NLRC5: variants seen among roughly 807,000 people sequenced by gnomAD.
NLRC5 encodes the protein protein NLRC5.
Under a neutral mutation model 206.9 loss-of-function variants are expected in NLRC5, and 114 were observed. The ratio of observed to expected loss-of-function variants is 0.55; its 90% CI spans 0.47 to 0.64. NLRC5 has a LOEUF of 0.64. Ranked by LOEUF, NLRC5 falls within the 30% of genes least tolerant of loss-of-function variation. NLRC5 has a pLI of 0.00. For missense variants in NLRC5, 2,008 were observed against 2,305.5 expected (o/e 0.87, Z 2.64); for synonymous variants, 952 against 962.8 (o/e 0.99, Z 0.21).
At chr16:57,061,816 C>A (rs2066530966) in intron 32 of NLRC5, 115 bp downstream of exon 32, 1 of 1,538,308 alleles carries the variant, frequency 6.5e-7, no homozygotes. Context: ...GTACCCACAA[C>A]CCTGCCATCT....
chr16:57,020,834 T>C lies in NLRC5; in HGVS notation c.122T>C (p.Leu41Pro). ...AAGTTCTTCCTCCCCAACACGGACC[T>C]GGATTCCAGGAACGAGACCTTGGAC... The part of the protein sequence containing the change: ...KMKFFLPNTD[L>P]DSRNETLDPE... Residue 41 changes from leucine to proline, a missense_variant, in exon 3 of 49, where the codon CTG becomes CCG. Physicochemically the swap from Leu to Pro is moderately conservative, Grantham distance 98. Coordinates refer to ENST00000688547, the MANE Select transcript of NLRC5 (RefSeq NM_001384950.1). 1 of 1,613,644 alleles carries C rather than the reference T, an allele frequency of 6.2e-7. No homozygotes were observed. The highest frequency in any genetic ancestry group is 8.5e-7 in the Non-Finnish European group (1 of 1,179,920).
At position 57,043,609 on chromosome 16, in the gene NLRC5, G is replaced by T; in HGVS notation, c.3203+5G>T. Reference sequence around the variant, plus strand: ...GCTCTTCCGCTTGGACATCAGGTGAGCGTGCCTCTCCGCCCCCAGCCCTGC... The same window carrying T: ...GCTCTTCCGCTTGGACATCAGGTGATCGTGCCTCTCCGCCCCCAGCCCTGC... On this transcript the variant is annotated splice_donor_5th_base_variant and intron_variant, in intron 20 of 48. Coordinates refer to ENST00000688547, the MANE Select transcript of NLRC5 (RefSeq NM_001384950.1). The T allele has an allele frequency of 6.2e-7, 1 of 1,612,640 alleles. No individual in the cohort carries two copies. Among genetic ancestry groups the T allele is most frequent in the South Asian group, 1.1e-5 (1 of 91,058 alleles).
At chr16:57,047,844 C>G (rs2064211208) in intron 23 of NLRC5, 1 of 591,656 alleles carries the variant, frequency 1.7e-6, no homozygotes, top group Admixed American at 2.9e-5. Context: ...AGATGCTGTG[C>G]TGGACTGGGG....
At chr16:57,010,652 C>T (rs1252409862) in intron 1 of NLRC5, among the ~76,000 whole-genome samples, 3 of 152,206 alleles carry the variant, frequency 2.0e-5, no homozygotes, top group African/African-American at 7.2e-5. Context: ...GGATTACAGG[C>T]GTGAGCCACT....
At chr16:57,036,545 G>A (rs1357394482) in intron 14 of NLRC5, among the ~76,000 whole-genome samples, 1 of 152,110 alleles carries the variant, frequency 6.6e-6, no homozygotes, top group African/African-American at 2.4e-5. Context: ...TGCTAGGGTA[G>A]GGAGTGGTGT....
chr16:57,067,687 G>C (rs772606141), intron 35 of NLRC5, 49 bp from the exon 36 acceptor site: 48 of 1,563,516 alleles, frequency 3.1e-5, no homozygotes, highest in Non-Finnish European at 4.1e-5. Flanking sequence ...GATGACCTCT[G>C]AGGTGTGTCC....
chr16:57,037,422 C>T lies in NLRC5; in HGVS notation c.2801+138C>T, dbSNP rs1403561354. The T allele has an allele frequency of 6.6e-6, 5 of 755,142 alleles. No homozygotes were observed. In the East Asian group the frequency reaches 1.1e-4, roughly 16 times the overall value. The allele number at this position is 755,142 out of a possible 1,614,324, so 46.8% of individuals were successfully genotyped here. On this transcript the variant is annotated intron_variant, in intron 15 of 48. Transcript: ENST00000688547. ...TGTCCCACCCAGACCCCGTTACAGC[C>T]GGCACCCCTCTTCCTAGCTGCTGTG...
At chr16:57,077,472 T>A in intron 41 of NLRC5, 93 bp downstream of exon 41, 2 of 1,241,124 alleles carry the variant, frequency 1.6e-6, no homozygotes. Context: ...TGGTAAAATC[T>A]CCCCTGCGCC....
At chr16:57,081,305 C>T in intron 47 of NLRC5, 124 bp downstream of exon 47, 6 of 1,048,626 alleles carry the variant, frequency 5.7e-6, no homozygotes, top group Non-Finnish European at 8.3e-6. Context: ...CACACTCTGG[C>T]CTGTTCCAAG....
intron 2 of NLRC5, 30 bp downstream of exon 2, chr16:57,017,218 C>T (rs1420351928): frequency 6.5e-6 from 1 of 152,712 alleles, no homozygotes; most frequent in African/African-American, 2.4e-5. Context: ...CCTTCACCTC[C>T]TCTTTTCCCC....
intron 8 of NLRC5, 121 bp from the exon 9 acceptor site, chr16:57,029,652 C>A: frequency 1.3e-6 from 1 of 769,986 alleles, no homozygotes; most frequent in South Asian, 1.6e-5. Flanking sequence ...AGGCCATCAG[C>A]TCTTTCTGGG....
chr16:57,027,131 A>G lies in NLRC5; in HGVS notation c.2075+113A>G, dbSNP rs199475976. On this transcript the variant is annotated intron_variant, in intron 6 of 48. Coordinates refer to ENST00000688547, the MANE Select transcript of NLRC5 (RefSeq NM_001384950.1). ...ACTGGATAAGAATCTTGAATATCAG[A>G]ACATAATGGCCTGCAATGCAAGAGA... 1 of 1,274,596 alleles carries G rather than the reference A, an allele frequency of 7.8e-7. No individual in the cohort carries two copies. The highest frequency in any genetic ancestry group is 2.4e-5 in the East Asian group (1 of 42,110). The allele number at this position is 1,274,596 out of a possible 1,614,324, so 79.0% of individuals were successfully genotyped here. A position where few individuals can be genotyped will look rare whatever the true frequency, so the allele number is the denominator to read the frequency against.
At chr16:56,991,155 T>G (rs541266185) in intron 1 of NLRC5, 1 of 152,272 alleles carries the variant, frequency 6.6e-6, no homozygotes, top group South Asian at 2.1e-4. Flanking sequence ...CTTAAAATGC[T>G]GCACAAGTGT....
chr16:57,024,765 T>G (rs1331315036), intron 5 of NLRC5, among the ~76,000 whole-genome samples: 2 of 152,186 alleles, frequency 1.3e-5, no homozygotes, highest in Non-Finnish European at 2.9e-5. Context: ...ATCCCAGCAC[T>G]TTGGAGGGCT....
intron 26 of NLRC5, 124 bp downstream of exon 26, chr16:57,055,218 C>T: frequency 9.3e-7 from 1 of 1,080,902 alleles, no homozygotes; most frequent in Non-Finnish European, 1.4e-6. Flanking sequence ...AACAACCCTG[C>T]AGAGGGACTT....
At position 57,022,048 on chromosome 16, in the gene NLRC5, AC is replaced by A. The variant is rs548229774; in HGVS notation, c.296-207del. On this transcript the variant is annotated intron_variant, in intron 3 of 48. Transcript: ENST00000688547. ...CACACACATACATAAACTTGCATGCACTTGCATATACACACATTTCTGCCCA... is the reference window on the plus strand; with the variant it reads ...CACACACATACATAAACTTGCATGCATTGCATATACACACATTTCTGCCCA... Among the ~76,000 whole-genome samples the A allele has an allele frequency of 1.5e-3, 230 of 152,362 alleles. 1 individual carries two copies. Among genetic ancestry groups the A allele is most frequent in the African/African-American group, 5.4e-3 (224 of 41,590 alleles).
intron 4 of NLRC5, among the ~76,000 whole-genome samples, chr16:57,022,796 G>A (rs188263757): frequency 8.5e-5 from 13 of 152,344 alleles, no homozygotes; most frequent in East Asian, 3.9e-4. Context: ...CTACTGATTC[G>A]TGGGTCACAC....
intron 26 of NLRC5, 43 bp from the exon 27 acceptor site, chr16:57,055,390 C>T: frequency 6.3e-7 from 1 of 1,586,638 alleles, no homozygotes; most frequent in South Asian, 1.1e-5. Context: ...GTCTCAGTGG[C>T]CAAACGCCCC....
chr16:57,039,687 A>G (rs2063040462), intron 15 of NLRC5, 94 bp from the exon 16 acceptor site: 2 of 1,145,466 alleles, frequency 1.7e-6, no homozygotes, highest in Non-Finnish European at 2.6e-6. Flanking sequence ...ACTGCACACC[A>G]GCTTGGGCAA....
Sources: allele counts gnomAD v4.1 joint callset (sites outside exome capture counted in the v4.1 genomes callset), GRCh38; gene constraint gnomAD v4.1.1; transcripts MANE v1.5; gene names NCBI Gene and HGNC (gene_info 2026-07-23, HGNC 2026-07-21).